NTM: variants seen among roughly 807,000 people sequenced by gnomAD.
NTM encodes IgLON family member 2.
NTM carries 13 observed loss-of-function variants against 42.1 expected under a neutral mutation model. The observed-to-expected ratio is 0.31, with a 90% CI of 0.20 to 0.49. The LOEUF (loss-of-function observed/expected upper bound fraction) is 0.49, where lower values mean the gene tolerates loss of function less well. NTM is among the 20% of genes least tolerant of loss of function. The pLI is 0.99. For missense variants in NTM, 373 were observed against 452.8 expected (o/e 0.82, Z 1.60); for synonymous variants, 187 against 179.2 (o/e 1.04, Z -0.35).
chr11:131,698,980 C>T (rs565305989), intron 1 of NTM, among the ~76,000 whole-genome samples: 52 of 152,274 alleles, frequency 3.4e-4, no homozygotes, highest in African/African-American at 1.2e-3. Flanking sequence ...ATTAGGGAAA[C>T]ATGAGAGGTG....
At position 131,597,902 on chromosome 11, in the gene NTM, C is replaced by T. The variant is rs555416484; in HGVS notation, c.82+227014C>T. ...TTTTTGCCCAGGGTGAAAAGAAGTC[C>T]ATCAGGAGTCCATAGCCCATTAGAA... On this transcript the variant is annotated intron_variant, in intron 1 of 8. Coordinates refer to ENST00000683400, the MANE Select transcript of NTM (RefSeq NM_001352005.2). 3.0e-4 allele frequency among the ~76,000 whole-genome samples: 45 copies of T among 152,272 alleles called. 1 individual carries two copies. Among genetic ancestry groups the T allele is most frequent in the African/African-American group, 1.1e-3 (44 of 41,552 alleles).
chr11:132,255,893 C>T (rs1371759373), intron 4 of NTM, among the ~76,000 whole-genome samples: 1 of 152,132 alleles, frequency 6.6e-6, no homozygotes, highest in Non-Finnish European at 1.5e-5. Context: ...GTCTCGGTTG[C>T]ACATCTTCAC....
intron 4 of NTM, among the ~76,000 whole-genome samples, chr11:132,215,204 G>A (rs558866477): frequency 6.6e-6 from 1 of 152,052 alleles, no homozygotes; most frequent in African/African-American, 2.4e-5. Context: ...ATTCTTCGAG[G>A]GTAGATCACA....
chr11:131,530,777 A>G (rs966097756), intron 1 of NTM, among the ~76,000 whole-genome samples: 2 of 152,204 alleles, frequency 1.3e-5, no homozygotes, highest in Admixed American at 6.5e-5. Flanking sequence ...CCCCTCCTAA[A>G]TGCTAAAGGG....
chr11:131,450,569 C>T (rs1950406571), intron 1 of NTM, among the ~76,000 whole-genome samples: 1 of 152,188 alleles, frequency 6.6e-6, no homozygotes, highest in Admixed American at 6.5e-5. Flanking sequence ...GCACGTAAAC[C>T]CTGGACTGCC....
Position 132,335,124 on chromosome 11 carries a change from T to G in NTM, c.1046T>G (p.Leu349Trp), listed in dbSNP as rs1482605172. ...GTCTGGCTGCTGCCTCTTCTGGTCTTGCACCTGCTTCTCAAATTTTGATGT... is the reference window on the plus strand; with the variant it reads ...GTCTGGCTGCTGCCTCTTCTGGTCTGGCACCTGCTTCTCAAATTTTGATGT... ...GCVWLLPLLV[L>W]HLLLKF The change falls in exon 9 of 9, where the codon TTG becomes TGG. Residue 349 changes from leucine to tryptophan, a missense_variant. Leu to Trp is a moderately conservative substitution (Grantham distance 61, BLOSUM62 -2). Transcript: ENST00000683400. 1 of 1,612,722 alleles carries G rather than the reference T, an allele frequency of 6.2e-7. No individual in the cohort carries two copies. Among genetic ancestry groups the G allele is most frequent in the Admixed American group, 1.7e-5 (1 of 60,012 alleles).
At chr11:131,657,461 C>G (rs753213030) in intron 1 of NTM, among the ~76,000 whole-genome samples, 1 of 152,224 alleles carries the variant, frequency 6.6e-6, no homozygotes, top group Non-Finnish European at 1.5e-5. Flanking sequence ...GGGCCAGCCT[C>G]TTCTTCGAAG....
At chr11:132,190,524 T>C (rs2079135687) in intron 3 of NTM, among the ~76,000 whole-genome samples, 1 of 151,718 alleles carries the variant, frequency 6.6e-6, no homozygotes, top group African/African-American at 2.4e-5. Context: ...GATTGTGAGG[T>C]CAGGAGTTCA....
chr11:132,222,342 C>T (rs1222112181), intron 4 of NTM, among the ~76,000 whole-genome samples: 2 of 152,226 alleles, frequency 1.3e-5, no homozygotes, highest in African/African-American at 2.4e-5. Flanking sequence ...TGCTATCACT[C>T]ACTCAAATAA....
At chr11:131,565,786 G>A (rs896431435) in intron 1 of NTM, among the ~76,000 whole-genome samples, 1 of 152,092 alleles carries the variant, frequency 6.6e-6, no homozygotes. Context: ...CCTGGACCTG[G>A]GGCACCTCAC....
At chr11:131,962,754 G>A (rs2062362238) in intron 2 of NTM, among the ~76,000 whole-genome samples, 1 of 152,160 alleles carries the variant, frequency 6.6e-6, no homozygotes, top group Admixed American at 6.5e-5. Context: ...GGGCTCAGCA[G>A]CTGCAGCCTT....
At chr11:131,456,351 G>C (rs1591718972) in intron 1 of NTM, among the ~76,000 whole-genome samples, 1 of 152,134 alleles carries the variant, frequency 6.6e-6, no homozygotes, top group Non-Finnish European at 1.5e-5. Context: ...TTTTCCCTTG[G>C]CCTCTTGATT....
chr11:131,647,429 G>A (rs2065906666), intron 1 of NTM, among the ~76,000 whole-genome samples: 1 of 152,202 alleles, frequency 6.6e-6, no homozygotes, highest in African/African-American at 2.4e-5. Context: ...GGGCTACTCT[G>A]TAAAATATTG....
intron 1 of NTM, among the ~76,000 whole-genome samples, chr11:131,601,356 C>A (rs1168963925): frequency 2.0e-5 from 3 of 152,142 alleles, no homozygotes; most frequent in African/African-American, 7.2e-5. Flanking sequence ...AGTCATCTGA[C>A]CTCTCTGGGT....
At chr11:131,699,908 A>AGG (rs1447177843) in intron 1 of NTM, among the ~76,000 whole-genome samples, 1 of 119,880 alleles carries the variant, frequency 8.3e-6, no homozygotes, top group Non-Finnish European at 1.7e-5. Context: ...CCAAAGCAGC[A>AGG]GGTGTGTGTG....
chr11:131,663,245 T>G (rs969047663), intron 1 of NTM: 1 of 152,226 alleles, frequency 6.6e-6, no homozygotes, highest in African/African-American at 2.4e-5. Context: ...CAGTGTTGTT[T>G]CCCAAGATAT....
chr11:131,707,948 C>T (rs147021504), intron 1 of NTM, among the ~76,000 whole-genome samples: 12 of 152,084 alleles, frequency 7.9e-5, no homozygotes, highest in African/African-American at 2.7e-4. Context: ...AAATAAAAAG[C>T]ATCCAAATTG....
intron 1 of NTM, among the ~76,000 whole-genome samples, chr11:131,529,759 A>T (rs971701923): frequency 2.0e-5 from 3 of 152,316 alleles, no homozygotes; most frequent in African/African-American, 7.2e-5. Flanking sequence ...CTACCCTTAG[A>T]TACCTCCCCT....
intron 3 of NTM, among the ~76,000 whole-genome samples, chr11:132,198,270 G>T (rs1391212664): frequency 6.6e-6 from 1 of 152,186 alleles, no homozygotes; most frequent in Admixed American, 6.5e-5. Context: ...CAGTGGTGCA[G>T]TCTTGGCTCA....
Sources: allele counts gnomAD v4.1 joint callset (sites outside exome capture counted in the v4.1 genomes callset), GRCh38; gene constraint gnomAD v4.1.1; transcripts MANE v1.5; gene names NCBI Gene and HGNC (gene_info 2026-07-23, HGNC 2026-07-21).